The following APC variants were observed in gnomAD, a reference collection of about 807,000 sequenced individuals.
APC encodes the protein adenomatous polyposis coli protein.
In APC, 72 loss-of-function variants were observed where a neutral mutation model predicts 247.0. That is an observed-to-expected ratio of 0.29 (90% CI 0.24 to 0.35). APC has a LOEUF of 0.35. Among genes scored for constraint, APC ranks in the 10% least tolerant of loss-of-function variants. APC has a pLI of 1.00. For synonymous variants in APC, 1,254 were observed against 1,162.5 expected (o/e 1.08, Z -1.60); for missense variants, 3,400 against 3,360.7 (o/e 1.01, Z -0.29).
At chr5:112,826,935 A>G (rs1763721811) in intron 11 of APC, among the ~76,000 whole-genome samples, 173 bp from the exon 12 acceptor site, 1 of 152,188 alleles carries the variant, frequency 6.6e-6, no homozygotes, top group Non-Finnish European at 1.5e-5. Context: ...TTATAAATAT[A>G]TTATACAGAA....
Position 112,709,167 on chromosome 5 carries a change from A to G in APC, c.165+1285A>G, listed in dbSNP as rs185679935. Among the ~76,000 whole-genome samples, 18 of 152,328 alleles carry G rather than the reference A, an allele frequency of 1.2e-4. No individual in the cohort carries two copies. In the East Asian group the frequency reaches 3.3e-3, roughly 28 times the overall value. On this transcript the variant is annotated intron_variant, in intron 1 of 13. Coordinates refer to the APC transcript ENST00000507379. ...TTGAAGTTATGCTAGATGTTCTCCA[A>G]AGTTGTTAAGCACAAACTATGCCTG...
chr5:112,730,424 G>A (rs983452106), intron 1 of APC, among the ~76,000 whole-genome samples: 2 of 152,178 alleles, frequency 1.3e-5, no homozygotes, highest in African/African-American at 2.4e-5. Context: ...CTTTGAAGGC[G>A]GACTGCCATT....
chr5:112,801,638 GT>G (rs59431836), intron 8 of APC, among the ~76,000 whole-genome samples: 5 of 151,674 alleles, frequency 3.3e-5, no homozygotes, highest in Admixed American at 1.3e-4. Context: ...ATTGTGAGTA[GT>G]TTTTTTTAAT....
At chr5:112,766,272 A>G (rs1406149446) in intron 2 of APC, 54 bp from the exon 3 acceptor site, 5 of 1,286,092 alleles carry the variant, frequency 3.9e-6, no homozygotes, top group African/African-American at 1.5e-5. Context: ...ATACAGAATC[A>G]TGTCTTGAAG....
rs147174517 is a variant in APC, at chr5:112,713,093, C to T, written c.165+5211C>T. Among the ~76,000 whole-genome samples the T allele has an allele frequency of 5.0e-3, 751 of 151,552 alleles. 8 individuals carry two copies. The highest frequency in any genetic ancestry group is 0.017 in the African/African-American group (718 of 41,384). ...GGCTGAGGCAGGAGAATCACTTGAA[C>T]CCAGGAAGTGGAGGTTGCAGTGAGC... On this transcript the variant is annotated intron_variant, in intron 1 of 13. Coordinates refer to the APC transcript ENST00000507379.
At chr5:112,738,914 A>G (rs550153193) in intron 1 of APC, among the ~76,000 whole-genome samples, 4 of 152,366 alleles carry the variant, frequency 2.6e-5, no homozygotes, top group East Asian at 3.9e-4. Context: ...TAAATTATGT[A>G]TGAAACAGTG....
At position 112,815,609 on chromosome 5, in the gene APC, A is replaced by G. The variant is rs1057517599; in HGVS notation, c.933+16A>G. 1.8e-5 allele frequency: 29 copies of G among 1,595,840 alleles called. No individual in the cohort carries two copies. The highest frequency in any genetic ancestry group is 2.4e-5 in the Non-Finnish European group (28 of 1,165,236). On this transcript the variant is annotated intron_variant, in intron 9 of 15. Coordinates refer to ENST00000257430, the MANE Select transcript of APC (RefSeq NM_000038.6). ...GGGAACCAAGGTAACAGAAGATTAC[A>G]AACCCTGGTCACTAATGCCATGACT...
intron 8 of APC, among the ~76,000 whole-genome samples, chr5:112,803,500 T>C (rs1761047947): frequency 6.6e-6 from 1 of 152,144 alleles, no homozygotes; most frequent in Non-Finnish European, 1.5e-5. Context: ...TCTCTGAGCT[T>C]TAGTGTTTCC....
At chr5:112,830,108 G>A (rs959179680) in intron 14 of APC, among the ~76,000 whole-genome samples, 5 of 151,812 alleles carry the variant, frequency 3.3e-5, no homozygotes, top group African/African-American at 7.3e-5. Flanking sequence ...TTTTGGTTTA[G>A]TTATGCATTT....
At chr5:112,830,094 T>G (rs1393673027) in intron 14 of APC, 3 of 152,112 alleles carry the variant, frequency 2.0e-5, no homozygotes, top group East Asian at 3.8e-4. Flanking sequence ...AAAGGTTTGT[T>G]TTTTTTTGGT....
intron 6 of APC, among the ~76,000 whole-genome samples, chr5:112,782,123 T>A (rs1758417775): frequency 6.6e-6 from 1 of 152,218 alleles, no homozygotes; most frequent in South Asian, 2.1e-4. Context: ...TCTACGTGGC[T>A]GGGGAATCCT....
intron 6 of APC, among the ~76,000 whole-genome samples, chr5:112,784,059 T>TA (rs1758676859): frequency 6.6e-6 from 1 of 152,004 alleles, no homozygotes; most frequent in African/African-American, 2.4e-5. Context: ...CTTTAAATCT[T>TA]TTTTGTTTGC....
intron 8 of APC, among the ~76,000 whole-genome samples, chr5:112,813,660 G>A (rs926995371): frequency 1.3e-5 from 2 of 151,742 alleles, no homozygotes; most frequent in Admixed American, 1.3e-4. Context: ...GCTCGTGCCT[G>A]TAGTCCCGGC....
chr5:112,778,997 C>T (rs1053013306), intron 5 of APC, among the ~76,000 whole-genome samples: 4 of 152,044 alleles, frequency 2.6e-5, no homozygotes, highest in Admixed American at 2.0e-4. Context: ...TGTAGCTAGC[C>T]AGGTTTCCTG....
chr5:112,763,229 AT>A (rs1338174092), intron 2 of APC, among the ~76,000 whole-genome samples: 4 of 152,106 alleles, frequency 2.6e-5, no homozygotes, highest in Non-Finnish European at 5.9e-5. Context: ...GACAAAAAAA[AT>A]CAAAATCAAC....
chr5:112,777,096 A>G (rs1212509777), intron 5 of APC, among the ~76,000 whole-genome samples: 1 of 152,200 alleles, frequency 6.6e-6, no homozygotes, highest in South Asian at 2.1e-4. Context: ...TCATTCATTT[A>G]ACTTGAAATG....
chr5:112,838,178 AACT>A lies in APC; in HGVS notation c.2587_2589del (p.Tyr863del), dbSNP rs1554084281. 1.2e-6 allele frequency: 2 copies of A among 1,614,194 alleles called. No individual in the cohort carries two copies. The highest frequency in any genetic ancestry group is 3.3e-5 in the Admixed American group (2 of 60,018). ...GAGAGAACGCGGAATTGGTCTAGGC[AACT>A]ACCATCCAGCAACAGAAAATCCAGG... On this transcript the variant is annotated inframe_deletion, in exon 16 of 16. Coordinates refer to ENST00000257430, the MANE Select transcript of APC (RefSeq NM_000038.6).
At chr5:112,760,539 A>C (rs139268554) in intron 2 of APC, among the ~76,000 whole-genome samples, 1 of 152,346 alleles carries the variant, frequency 6.6e-6, no homozygotes, top group East Asian at 1.9e-4. Flanking sequence ...CCAGAGAATA[A>C]GGCTGAACTG....
intron 15 of APC, among the ~76,000 whole-genome samples, chr5:112,835,852 T>A (rs1764831770): frequency 6.6e-6 from 1 of 150,768 alleles, no homozygotes; most frequent in Admixed American, 6.6e-5. Flanking sequence ...GGATTACAGG[T>A]GTGAGCCACC....
Sources: gnomAD v4.1 joint callset for allele counts (sites outside exome capture counted in the v4.1 genomes callset) on GRCh38, gnomAD v4.1.1 for gene constraint, MANE v1.5 for transcripts, NCBI Gene and HGNC (gene_info 2026-07-23, HGNC 2026-07-21) for gene names.